The following LRRC4C variants were observed in gnomAD, a reference collection of about 807,000 sequenced individuals.
The protein encoded by LRRC4C is leucine rich repeat containing 4C.
LRRC4C carries 5 observed loss-of-function variants against 33.6 expected under a neutral mutation model. The observed-to-expected ratio is 0.15, with a 90% CI of 0.08 to 0.31. The LOEUF is 0.31. LRRC4C is among the 10% of genes least tolerant of loss of function. The probability of loss-of-function intolerance (pLI) is 1.00; values close to 1 mark genes in which losing one functional copy is unlikely to be tolerated. For synonymous variants in LRRC4C, 329 were observed against 302.0 expected (o/e 1.09, Z -0.93); for missense variants, 560 against 796.7 (o/e 0.70, Z 3.58).
chr11:40,977,193 T>A (rs908816421), intron 1 of LRRC4C, among the ~76,000 whole-genome samples: 1 of 152,110 alleles, frequency 6.6e-6, no homozygotes, highest in Non-Finnish European at 1.5e-5. Flanking sequence ...ATGGGATCGA[T>A]AGACTGTAAA....
chr11:40,788,908 T>G (rs749153305), intron 2 of LRRC4C, among the ~76,000 whole-genome samples: 2 of 151,890 alleles, frequency 1.3e-5, no homozygotes, highest in Non-Finnish European at 2.9e-5. Flanking sequence ...CTGGCTAACA[T>G]GGTGAAACCC....
intron 2 of LRRC4C, among the ~76,000 whole-genome samples, chr11:40,696,669 CA>C (rs1481267075): frequency 2.0e-4 from 29 of 147,624 alleles, no homozygotes; most frequent in African/African-American, 6.5e-4. Flanking sequence ...ATACCCCCAG[CA>C]GCCAATAAAA....
chr11:41,370,950 T>C (rs1235303502), intron 1 of LRRC4C, among the ~76,000 whole-genome samples: 4 of 152,330 alleles, frequency 2.6e-5, no homozygotes, highest in African/African-American at 4.8e-5. Flanking sequence ...ATGTTAGTCT[T>C]GCTACTCACT....
chr11:40,520,400 ACT>A (rs1323375353), intron 3 of LRRC4C, among the ~76,000 whole-genome samples: 4 of 152,114 alleles, frequency 2.6e-5, no homozygotes, highest in African/African-American at 9.7e-5. Flanking sequence ...GAGATGTGTA[ACT>A]CTTCTTTTCA....
intron 2 of LRRC4C, among the ~76,000 whole-genome samples, chr11:40,817,825 C>T (rs1951767157): frequency 6.6e-6 from 1 of 152,108 alleles, no homozygotes; most frequent in Admixed American, 6.6e-5. Context: ...CTTCACTTTT[C>T]CCTAACTTTA....
At chr11:40,118,786 A>G (rs1354908029) in intron 6 of LRRC4C, among the ~76,000 whole-genome samples, 3 of 152,168 alleles carry the variant, frequency 2.0e-5, no homozygotes, top group Non-Finnish European at 2.9e-5. Flanking sequence ...GGTTACGTCA[A>G]ACTTAAGAGT....
At chr11:40,309,434 C>G (rs1306497371) in intron 4 of LRRC4C, among the ~76,000 whole-genome samples, 1 of 151,472 alleles carries the variant, frequency 6.6e-6, no homozygotes, top group East Asian at 1.9e-4. Flanking sequence ...TATGAGTAGA[C>G]AATATTTTAT....
intron 3 of LRRC4C, among the ~76,000 whole-genome samples, chr11:40,606,728 C>T (rs569751135): frequency 4.0e-5 from 6 of 151,542 alleles, no homozygotes; most frequent in South Asian, 4.2e-4. Flanking sequence ...ATCACTGAAA[C>T]GAAAAACTTA....
chr11:40,460,951 T>A (rs1952365825), intron 3 of LRRC4C, among the ~76,000 whole-genome samples: 1 of 152,154 alleles, frequency 6.6e-6, no homozygotes, highest in Non-Finnish European at 1.5e-5. Flanking sequence ...GTATTTCTCC[T>A]TCCACTGTCT....
chr11:40,728,129 T>C (rs1311952882), intron 2 of LRRC4C, among the ~76,000 whole-genome samples: 3 of 151,770 alleles, frequency 2.0e-5, no homozygotes, highest in Non-Finnish European at 4.4e-5. Flanking sequence ...ATGGCTATCA[T>C]TAAAAAGTCA....
chr11:40,928,048 T>A (rs1957468915), intron 2 of LRRC4C, among the ~76,000 whole-genome samples: 1 of 152,066 alleles, frequency 6.6e-6, no homozygotes, highest in African/African-American at 2.4e-5. Context: ...AGGGAAATAT[T>A]AGTTACAAAT....
chr11:40,398,700 T>C (rs1188123971), intron 3 of LRRC4C, among the ~76,000 whole-genome samples: 1 of 152,004 alleles, frequency 6.6e-6, no homozygotes, highest in Admixed American at 6.6e-5. Flanking sequence ...AAATTGCACA[T>C]TAGGACCCAG....
At chr11:40,513,330 A>G (rs764041573) in intron 3 of LRRC4C, among the ~76,000 whole-genome samples, 5 of 151,966 alleles carry the variant, frequency 3.3e-5, no homozygotes, top group Non-Finnish European at 7.4e-5. Flanking sequence ...TTTTTATATT[A>G]GTCAAGGAGT....
chr11:40,822,763 C>A (rs563412062), intron 2 of LRRC4C, among the ~76,000 whole-genome samples: 1 of 151,606 alleles, frequency 6.6e-6, no homozygotes, highest in African/African-American at 2.4e-5. Flanking sequence ...TTTTCTAAAG[C>A]GCTTCCCTAA....
At chr11:40,966,892 T>A (rs1304371455) in intron 1 of LRRC4C, among the ~76,000 whole-genome samples, 1 of 152,012 alleles carries the variant, frequency 6.6e-6, no homozygotes, top group Non-Finnish European at 1.5e-5. Context: ...TCATACCTTG[T>A]CATGCTTTTC....
chr11:40,665,323 AAAATATATATATAT>A (rs1943701523), intron 2 of LRRC4C, among the ~76,000 whole-genome samples: 3 of 10,938 alleles, frequency 2.7e-4, no homozygotes, highest in Admixed American at 1.7e-3. Context: ...AAAAAAAAAA[AAAATATATATATAT>A]ATATATATAT....
At chr11:40,916,708 A>G (rs1009247652) in intron 2 of LRRC4C, among the ~76,000 whole-genome samples, 1 of 150,412 alleles carries the variant, frequency 6.6e-6, no homozygotes, top group Non-Finnish European at 1.5e-5. Flanking sequence ...AAAAATAAAT[A>G]AATAAAAATA....
At chr11:41,253,388 G>T (rs773660180) in intron 1 of LRRC4C, among the ~76,000 whole-genome samples, 1 of 152,008 alleles carries the variant, frequency 6.6e-6, no homozygotes, top group African/African-American at 2.4e-5. Flanking sequence ...TAACTATTAA[G>T]TATTTAAACC....
At chr11:41,028,593 A>G (rs1431075216) in intron 1 of LRRC4C, among the ~76,000 whole-genome samples, 1 of 151,010 alleles carries the variant, frequency 6.6e-6, no homozygotes, top group Non-Finnish European at 1.5e-5. Flanking sequence ...ACACACACAC[A>G]CACACACACA....
Sources: allele counts gnomAD v4.1 joint callset (sites outside exome capture counted in the v4.1 genomes callset), GRCh38; gene constraint gnomAD v4.1.1; transcripts MANE v1.5; gene names NCBI Gene and HGNC (gene_info 2026-07-23, HGNC 2026-07-21).